The following ZSCAN5A variants were observed in gnomAD, a reference collection of about 807,000 sequenced individuals.
The protein encoded by ZSCAN5A is zinc finger and SCAN domain-containing protein 5A.
A neutral mutation model predicts 23.7 loss-of-function variants in ZSCAN5A; 12 were observed. The observed-to-expected ratio is 0.51, with a 90% CI of 0.32 to 0.82. The LOEUF is 0.82. Among genes scored for constraint, ZSCAN5A ranks in the 40% least tolerant of loss-of-function variants. The pLI, the probability that ZSCAN5A is intolerant of heterozygous loss-of-function variation, is 0.03. For missense variants in ZSCAN5A, 597 were observed against 617.9 expected, an observed-to-expected ratio of 0.97 and a Z score of 0.36; for synonymous variants, 257 against 239.9, an observed-to-expected ratio of 1.07 and a Z score of -0.66.
rs2033407486 is a variant in ZSCAN5A, at chr19:56,222,704, G to C, written c.626C>G (p.Thr209Arg). The change falls in exon 5 of 6, where the codon ACA becomes AGA. Residue 209 changes from threonine (T) to arginine (R), a missense_variant. Thr to Arg is a moderately conservative substitution (Grantham distance 71, BLOSUM62 -1). This residue lies in a region of ZSCAN5A where 406 missense variants were observed against 353.2 expected (regional missense o/e 1.15). Coordinates refer to ENST00000683990, the MANE Select transcript of ZSCAN5A (RefSeq NM_001322064.3). Reference protein sequence around the residue: ...DFLLHKSIDVTGDPKSLRPKQ... With the variant: ...DFLLHKSIDVRGDPKSLRPKQ... ...GGGTCTCAGAGACTTTGGGTCACCTGTTACGTCAATACTCTTGTGTAGCAG... is the reference window on the plus strand; with the variant it reads ...GGGTCTCAGAGACTTTGGGTCACCTCTTACGTCAATACTCTTGTGTAGCAG... 6.2e-7 allele frequency: 1 copy of C among 1,614,090 alleles called. No individual in the cohort carries two copies. The highest frequency in any genetic ancestry group is 2.2e-5 in the East Asian group (1 of 44,856).
At chr19:56,346,527 A>G (rs562402918) in intron 2 of ZSCAN5A, among the ~76,000 whole-genome samples, 16 of 144,934 alleles carry the variant, frequency 1.1e-4, no homozygotes, top group African/African-American at 3.5e-4. Context: ...AAAACTCTAG[A>G]AAAAAAAAAA....
intron 2 of ZSCAN5A, among the ~76,000 whole-genome samples, chr19:56,269,443 C>A (rs2037693210): frequency 6.6e-6 from 1 of 152,138 alleles, no homozygotes; most frequent in South Asian, 2.1e-4. Flanking sequence ...CCTGAAGATA[C>A]CCACATCTGA....
rs1175628460 is a variant in ZSCAN5A, at chr19:56,341,702, CAAAAAAAAA to C, written c.-358+21524_-358+21532del. Among the ~76,000 whole-genome samples, 168 of 53,794 alleles carry C rather than the reference CAAAAAAAAA, an allele frequency of 3.1e-3. 1 individual carries two copies. The highest frequency in any genetic ancestry group is 0.011 in the African/African-American group (159 of 15,036). 35.3% of individuals were successfully genotyped at this position (53,794 alleles called of 152,430 possible). A position where few individuals can be genotyped will look rare whatever the true frequency, so the allele number is the denominator to read the frequency against. On this transcript the variant is annotated intron_variant, in intron 2 of 6. Transcript: ENST00000587340. Reference sequence around the variant, plus strand: ...ATCTTCTAGGCAGGTTACCAAAAGGCAAAAAAAAAAAAAAAAAAAAAAAAACCCTTCTGC... The same window carrying C: ...ATCTTCTAGGCAGGTTACCAAAAGGCAAAAAAAAAAAAAAAACCCTTCTGC...
chr19:56,245,520 G>A (rs2035812574), intron 2 of ZSCAN5A: 1 of 384,744 alleles, frequency 2.6e-6, no homozygotes. Flanking sequence ...ATTTGGCACA[G>A]GACAAGAACA....
At chr19:56,264,328 G>A (rs1328304236) in intron 2 of ZSCAN5A, among the ~76,000 whole-genome samples, 1 of 152,172 alleles carries the variant, frequency 6.6e-6, no homozygotes, top group Non-Finnish European at 1.5e-5. Flanking sequence ...CTCAGGGTAA[G>A]GGAGTAGCAG....
intron 2 of ZSCAN5A, among the ~76,000 whole-genome samples, chr19:56,311,544 A>G (rs2147374365): frequency 6.6e-6 from 1 of 152,344 alleles, no homozygotes; most frequent in African/African-American, 2.4e-5. Context: ...GTGAGCCTGA[A>G]GCATCAGTTG....
At chr19:56,300,802 TAA>T (rs113042044) in intron 2 of ZSCAN5A, among the ~76,000 whole-genome samples, 1 of 149,150 alleles carries the variant, frequency 6.7e-6, no homozygotes, top group Admixed American at 6.7e-5. Flanking sequence ...GGTTTACGTG[TAA>T]AAAAAAAATG....
In ZSCAN5A at chr19:56,301,329, C is replaced by T. The variant is rs189337424; in HGVS notation, c.-128+11954G>A. ...GGAGATTTCCTGGAGCTGAGGGTGC[C>T]TCCCCTTTTTAGGCCAGTAGGGGAA... On this transcript the variant is annotated intron_variant, in intron 2 of 5. Coordinates refer to ENST00000683990, the MANE Select transcript of ZSCAN5A (RefSeq NM_001322064.3). Among the ~76,000 whole-genome samples the T allele has an allele frequency of 6.1e-3, 926 of 152,180 alleles. 7 individuals carry two copies. Among genetic ancestry groups the T allele is most frequent in the Non-Finnish European group, 6.3e-3 (427 of 67,990 alleles).
intron 2 of ZSCAN5A, among the ~76,000 whole-genome samples, chr19:56,239,513 C>A (rs2035243545): frequency 6.6e-6 from 1 of 152,234 alleles, no homozygotes; most frequent in Admixed American, 6.5e-5. Flanking sequence ...ATAAACCACC[C>A]TCTCACCGTC....
chr19:56,338,841 G>A (rs1338036724), intron 2 of ZSCAN5A, among the ~76,000 whole-genome samples: 1 of 152,218 alleles, frequency 6.6e-6, no homozygotes, highest in East Asian at 1.9e-4. Context: ...GGAAGGCCAT[G>A]ACCACAGTGA....
chr19:56,233,915 G>A (rs111331552), intron 2 of ZSCAN5A, among the ~76,000 whole-genome samples: 43 of 152,038 alleles, frequency 2.8e-4, no homozygotes, highest in African/African-American at 9.7e-4. Flanking sequence ...AAAGGAACCC[G>A]GGCCAGGCAC....
At chr19:56,343,424 C>A in intron 2 of ZSCAN5A, 1 of 513,036 alleles carries the variant, frequency 1.9e-6, no homozygotes, top group East Asian at 5.4e-5. Flanking sequence ...AGCCATGGTA[C>A]GAAAAAATCA....
At chr19:56,343,017 T>C (rs2041606307) in intron 2 of ZSCAN5A, 2 of 820,922 alleles carry the variant, frequency 2.4e-6, no homozygotes, top group Admixed American at 3.4e-5. Flanking sequence ...ACTATCTACT[T>C]ATCCAAGTCT....
intron 2 of ZSCAN5A, among the ~76,000 whole-genome samples, chr19:56,257,923 ACT>A (rs781566763): frequency 1.1e-4 from 11 of 100,690 alleles, no homozygotes; most frequent in African/African-American, 4.1e-4. Flanking sequence ...GCGCCGGGAG[ACT>A]CTGCAAGCCT....
chr19:56,292,439 G>T (rs188059539), intron 2 of ZSCAN5A, among the ~76,000 whole-genome samples: 130 of 129,710 alleles, frequency 1.0e-3, no homozygotes, highest in Middle Eastern at 5.0e-3. Context: ...ATTATTTTTG[G>T]TTTTTTTGTC....
rs150193964 is a variant in ZSCAN5A at position 56,222,153 on chromosome 19, A to T, written c.913T>A (p.Ser305Thr). ...SSPKRSKPDASSISQEEPQGE... is the reference protein window; with the variant it reads ...SSPKRSKPDATSISQEEPQGE... Reference sequence around the variant, plus strand: ...TGAGGCTCTTCTTGGGAAATGGAGGAGGCATCTGGTTTGCTTCTTTTGGGA... The same window carrying T: ...TGAGGCTCTTCTTGGGAAATGGAGGTGGCATCTGGTTTGCTTCTTTTGGGA... Residue 305 changes from serine to threonine, a missense_variant, in exon 6 of 6, where the codon TCC becomes ACC. Physicochemically the swap from Ser to Thr is moderately conservative, Grantham distance 58. Around this residue, in one of 5 missense-constraint regions of ZSCAN5A, gnomAD observed 406 missense variants for 353.2 expected, o/e 1.15. Coordinates refer to ENST00000683990, the MANE Select transcript of ZSCAN5A (RefSeq NM_001322064.3). 877 of 1,613,712 alleles carry T rather than the reference A, an allele frequency of 5.4e-4. 3 individuals are homozygous for T. The highest frequency in any genetic ancestry group is 5.1e-3 in the African/African-American group (380 of 74,860).
chr19:56,336,628 G>A (rs1319881344), intron 2 of ZSCAN5A, among the ~76,000 whole-genome samples: 4 of 152,220 alleles, frequency 2.6e-5, no homozygotes, highest in Non-Finnish European at 5.9e-5. Context: ...TGCTGGTGAG[G>A]AGCTGCATTC....
chr19:56,247,383 A>C, intron 2 of ZSCAN5A: 5 of 205,926 alleles, frequency 2.4e-5, no homozygotes, highest in South Asian at 9.2e-5. Flanking sequence ...TCCACTCCGG[A>C]GAGAAACCCT....
upstream of ZSCAN5A, chr19:56,315,902 C>T (rs2041301842): frequency 6.6e-6 from 1 of 152,226 alleles, no homozygotes; most frequent in Non-Finnish European, 1.5e-5. Context: ...CTTTGATGAT[C>T]ACCATTCTTA....
Sources: allele counts gnomAD v4.1 joint callset (sites outside exome capture counted in the v4.1 genomes callset), GRCh38; gene constraint gnomAD v4.1.1; regional missense constraint gnomAD v4.1.1; transcripts MANE v1.5; gene names NCBI Gene and HGNC (gene_info 2026-07-23, HGNC 2026-07-21).